TFAM: variants seen among roughly 807,000 people sequenced by gnomAD.
The protein encoded by TFAM is transcription factor A, mitochondrial.
A neutral mutation model predicts 30.6 loss-of-function variants in TFAM; 13 were observed. The observed-to-expected ratio is 0.42, with a 90% CI of 0.28 to 0.67. The LOEUF is 0.67. Ranked by LOEUF, TFAM falls within the 30% of genes least tolerant of loss-of-function variation. The pLI is 0.21. For synonymous variants in TFAM, 106 were observed against 94.8 expected (o/e 1.12, Z -0.69); for missense variants, 231 against 293.7 (o/e 0.79, Z 1.56).
intron 1 of TFAM, 85 bp from the exon 2 acceptor site, chr10:58,386,135 C>T: frequency 3.2e-6 from 3 of 923,376 alleles, no homozygotes; most frequent in South Asian, 2.6e-5. Flanking sequence ...GATGACATTT[C>T]TTATTTGGGA....
intron 5 of TFAM, among the ~76,000 whole-genome samples, chr10:58,393,166 A>G (rs1162354888): frequency 6.6e-6 from 1 of 151,108 alleles, no homozygotes; most frequent in African/African-American, 2.4e-5. Context: ...TTTTTAGTAG[A>G]GATGGGGTTT....
chr10:58,386,093 T>A, intron 1 of TFAM, 127 bp from the exon 2 acceptor site: 1 of 795,494 alleles, frequency 1.3e-6, no homozygotes, highest in South Asian at 1.4e-5. Context: ...TCTCTAGCAT[T>A]CTTGTTGAAG....
intron 4 of TFAM, among the ~76,000 whole-genome samples, chr10:58,389,093 G>A (rs1318220227): frequency 6.6e-6 from 1 of 152,158 alleles, no homozygotes. Flanking sequence ...GAAACTACAG[G>A]AACAGAGTTA....
At position 58,397,674 on chromosome 10, in the gene TFAM, G is replaced by A. The variant is rs889311257; in HGVS notation, c.*2600G>A. ...GCCATATACCAAATGCCATTCAGCT[G>A]TAACAGTATACACAGATTTTCTCTT... On this transcript the variant is annotated 3_prime_UTR_variant, in exon 7 of 7. Transcript: ENST00000487519. 1.3e-5 allele frequency: 2 copies of A among 151,996 alleles called. No individual in the cohort carries two copies. The highest frequency in any genetic ancestry group is 4.8e-5 in the African/African-American group (2 of 41,350). 9.4% of individuals were successfully genotyped at this position (151,996 alleles called of 1,614,324 possible).
intron 2 of TFAM, among the ~76,000 whole-genome samples, chr10:58,387,772 A>G (rs1840517903): frequency 6.6e-6 from 1 of 152,028 alleles, no homozygotes; most frequent in African/African-American, 2.4e-5. Context: ...TCTACAAAAA[A>G]TACTAACATT....
At chr10:58,391,851 A>G (rs1403342153) in intron 5 of TFAM, among the ~76,000 whole-genome samples, 2 of 151,252 alleles carry the variant, frequency 1.3e-5, no homozygotes, top group East Asian at 3.9e-4. Flanking sequence ...CAGCTGACAT[A>G]TGCTATGATT....
At chr10:58,391,922 A>G (rs1840605487) in intron 5 of TFAM, among the ~76,000 whole-genome samples, 2 of 143,584 alleles carry the variant, frequency 1.4e-5, no homozygotes, top group Admixed American at 6.9e-5. Flanking sequence ...TTGTTCACTT[A>G]GGTTTTTTTT....
chr10:58,387,148 AG>A (rs1840506309), intron 2 of TFAM, among the ~76,000 whole-genome samples: 1 of 152,184 alleles, frequency 6.6e-6, no homozygotes, highest in Admixed American at 6.5e-5. Context: ...CTGTAGTCCC[AG>A]CTACTTGGGA....
Position 58,386,223 on chromosome 10 carries a change from T to G in TFAM, c.105T>G (p.Phe35Leu). ...TTTTCTTTTTGTTTATATGTAGTTTTGTGTATTTACCGAGGTGGTTTTCAT... is the reference window on the plus strand; with the variant it reads ...TTTTCTTTTTGTTTATATGTAGTTTGGTGTATTTACCGAGGTGGTTTTCAT... ...CGSRLRSPFS[F>L]VYLPRWFSSV... Residue 35 changes from phenylalanine to leucine, a missense_variant, in exon 2 of 7, where the codon TTT (phenylalanine) becomes TTG (leucine). Phe to Leu is a conservative substitution (Grantham distance 22). Transcript: ENST00000487519. 6.2e-7 allele frequency: 1 copy of G among 1,602,334 alleles called. No homozygotes were observed. The highest frequency in any genetic ancestry group is 1.3e-5 in the African/African-American group (1 of 74,818).
intron 1 of TFAM, among the ~76,000 whole-genome samples, chr10:58,385,987 C>T (rs1270796255): frequency 6.6e-6 from 1 of 152,194 alleles, no homozygotes; most frequent in East Asian, 1.9e-4. Context: ...GGAGTATAGA[C>T]GCTTTCCTTC....
chr10:58,391,060 ACATT>A lies in TFAM; in HGVS notation c.537+201_537+204del, dbSNP rs140800413. Among the ~76,000 whole-genome samples, 994 of 152,250 alleles carry A rather than the reference ACATT, an allele frequency of 6.5e-3. 7 individuals carry two copies. The highest frequency in any genetic ancestry group is 0.022 in the African/African-American group (915 of 41,562). On this transcript the variant is annotated intron_variant, in intron 5 of 6. Coordinates refer to ENST00000487519, the MANE Select transcript of TFAM (RefSeq NM_003201.3). ...TGTAGTTGCCAACACATACATACAT[ACATT>A]GCCAACTTTTTAAATTTAAATACTT...
chr10:58,395,447 A>C lies in TFAM; in HGVS notation c.*373A>C, dbSNP rs146419524. 3.3e-3 allele frequency: 983 copies of C among 298,964 alleles called. 5 individuals are homozygous for C. The highest frequency in any genetic ancestry group is 0.01 in the Middle Eastern group (10 of 970). 18.5% of individuals were successfully genotyped at this position (298,964 alleles called of 1,614,324 possible). On this transcript the variant is annotated 3_prime_UTR_variant, in exon 7 of 7. Coordinates refer to ENST00000487519, the MANE Select transcript of TFAM (RefSeq NM_003201.3). ...CAGGAGTTTCGTTTTCAAAATTGTT[A>C]CAAATTGTAGAAGCCACGGTGTTCT...
intron 6 of TFAM, 111 bp downstream of exon 6, chr10:58,394,525 A>AG: frequency 4.2e-6 from 4 of 948,274 alleles, no homozygotes; most frequent in Non-Finnish European, 6.9e-6. Flanking sequence ...TAATAATACA[A>AG]GTATTCTAAA....
At chr10:58,388,641 G>A in intron 3 of TFAM, 29 bp from the exon 4 acceptor site, 5 of 1,610,476 alleles carry the variant, frequency 3.1e-6, no homozygotes, top group Non-Finnish European at 4.2e-6. Context: ...GCAATGGTTT[G>A]TTGACTTACT....
intron 4 of TFAM, among the ~76,000 whole-genome samples, chr10:58,389,830 GT>G (rs1377226601): frequency 2.0e-5 from 3 of 152,194 alleles, no homozygotes; most frequent in African/African-American, 7.2e-5. Context: ...CATTTATAAA[GT>G]TTCCCTTGTC....
In TFAM at chr10:58,394,913, T is replaced by TA. The variant is rs1273675847; in HGVS notation, c.595-14dup. On this transcript the variant is annotated splice_polypyrimidine_tract_variant and intron_variant, in intron 6 of 6. Transcript: ENST00000487519. ...AAAATAAGTAAATCATTTTAACAGT[T>TA]ATGCTTTTTCTCAGTTATATATTCA... The TA allele has an allele frequency of 9.9e-6, 16 of 1,608,588 alleles. No individual in the cohort carries two copies. Among genetic ancestry groups the TA allele is most frequent in the Non-Finnish European group, 1.4e-5 (16 of 1,176,346 alleles).
intron 5 of TFAM, among the ~76,000 whole-genome samples, chr10:58,392,909 T>A (rs1348427214): frequency 6.6e-6 from 1 of 151,966 alleles, no homozygotes; most frequent in African/African-American, 2.4e-5. Context: ...ACTCCTGAGC[T>A]CAGGTGATCC....
At chr10:58,389,475 A>G (rs1462335572) in intron 4 of TFAM, among the ~76,000 whole-genome samples, 1 of 152,160 alleles carries the variant, frequency 6.6e-6, no homozygotes, top group African/African-American at 2.4e-5. Flanking sequence ...CACTATTACA[A>G]ATGATCATCA....
At chr10:58,386,185 C>A in intron 1 of TFAM, 35 bp from the exon 2 acceptor site, 2 of 1,356,042 alleles carry the variant, frequency 1.5e-6, no homozygotes, top group South Asian at 1.2e-5. Context: ...AGTTAAACAT[C>A]TGACACTGGT....
Sources: gnomAD v4.1 joint callset for allele counts (sites outside exome capture counted in the v4.1 genomes callset) on GRCh38, gnomAD v4.1.1 for gene constraint, MANE v1.5 for transcripts, NCBI Gene and HGNC (gene_info 2026-07-23, HGNC 2026-07-21) for gene names.